SLC4A4: variants seen among roughly 807,000 people sequenced by gnomAD.
SLC4A4 encodes solute carrier family 4 member 4, also known as electrogenic sodium bicarbonate cotransporter 1.
In SLC4A4, 27 loss-of-function variants were observed where a neutral mutation model predicts 111.5. The ratio of observed to expected loss-of-function variants is 0.24; its 90% CI spans 0.18 to 0.33. The LOEUF (loss-of-function observed/expected upper bound fraction) is 0.33. SLC4A4 is among the 10% of genes least tolerant of loss of function. SLC4A4 has a pLI of 1.00. For missense variants in SLC4A4, 909 were observed against 1,315.5 expected (o/e 0.69, Z 4.78); for synonymous variants, 443 against 463.4 (o/e 0.96, Z 0.57).
chr4:71,434,283 C>T (rs1723908724), intron 7 of SLC4A4: 1 of 152,076 alleles, frequency 6.6e-6, no homozygotes. Flanking sequence ...TTTACAGCTA[C>T]TTTTGAAATT....
intron 12 of SLC4A4, among the ~76,000 whole-genome samples, chr4:71,462,655 C>T (rs1012240444): frequency 6.6e-6 from 1 of 152,010 alleles, no homozygotes; most frequent in Non-Finnish European, 1.5e-5. Context: ...GTGATCTGTC[C>T]ACCTGAGCCT....
intron 2 of SLC4A4, among the ~76,000 whole-genome samples, chr4:71,097,314 T>C (rs1336516827): frequency 6.6e-6 from 1 of 152,190 alleles, no homozygotes; most frequent in Non-Finnish European, 1.5e-5. Flanking sequence ...CCAATGATAA[T>C]GGCCTCCAGA....
chr4:71,541,099 T>C (rs1735012570), intron 18 of SLC4A4, among the ~76,000 whole-genome samples: 1 of 152,116 alleles, frequency 6.6e-6, no homozygotes, highest in Non-Finnish European at 1.5e-5. Flanking sequence ...CAAAAATGTC[T>C]TCAGGCATTG....
At chr4:71,288,729 G>A (rs567467260) in intron 3 of SLC4A4, among the ~76,000 whole-genome samples, 1 of 151,954 alleles carries the variant, frequency 6.6e-6, no homozygotes, top group Non-Finnish European at 1.5e-5. Context: ...GGCTTTGAAG[G>A]GTGTTGTGAG....
intron 12 of SLC4A4, among the ~76,000 whole-genome samples, chr4:71,458,836 A>G (rs532479387): frequency 5.3e-5 from 8 of 152,092 alleles, no homozygotes; most frequent in Non-Finnish European, 1.2e-4. Context: ...CAAGAATTTC[A>G]ATTTAGCTGA....
At chr4:71,493,831 A>T (rs997411010) in intron 15 of SLC4A4, among the ~76,000 whole-genome samples, 1 of 151,944 alleles carries the variant, frequency 6.6e-6, no homozygotes, top group African/African-American at 2.4e-5. Context: ...TAACCTTGCA[A>T]TTTGCATATT....
At chr4:71,153,287 G>T (rs1238234213) in intron 2 of SLC4A4, among the ~76,000 whole-genome samples, 1 of 151,948 alleles carries the variant, frequency 6.6e-6, no homozygotes, top group African/African-American at 2.4e-5. Context: ...CCCACGTTAA[G>T]GGTGGGTCTG....
At chr4:71,447,535 G>T (rs1239923813) in intron 8 of SLC4A4, 111 bp from the exon 9 acceptor site, 10 of 739,048 alleles carry the variant, frequency 1.4e-5, no homozygotes, top group Non-Finnish European at 2.5e-5. Context: ...TTTTAAAGGT[G>T]AATTCTAGAC....
intron 2 of SLC4A4, among the ~76,000 whole-genome samples, chr4:71,236,867 A>T (rs927585020): frequency 8.5e-5 from 13 of 152,294 alleles, no homozygotes; most frequent in African/African-American, 2.4e-4. Context: ...TGCCTGGTTT[A>T]AAAAAAGTCT....
chr4:71,399,819 CATTGAG>C (rs1361140749), intron 7 of SLC4A4, among the ~76,000 whole-genome samples: 2 of 152,050 alleles, frequency 1.3e-5, no homozygotes, highest in Non-Finnish European at 2.9e-5. Flanking sequence ...TCCCACTTTA[CATTGAG>C]ATAAATTCTT....
At chr4:71,123,145 G>T (rs137957438) in intron 2 of SLC4A4, among the ~76,000 whole-genome samples, 2 of 152,122 alleles carry the variant, frequency 1.3e-5, no homozygotes, top group African/African-American at 4.8e-5. Flanking sequence ...GAGAAGATAC[G>T]AGACTTAAAG....
At chr4:71,125,359 G>A (rs1298561179) in intron 2 of SLC4A4, among the ~76,000 whole-genome samples, 1 of 152,190 alleles carries the variant, frequency 6.6e-6, no homozygotes, top group Admixed American at 6.5e-5. Flanking sequence ...AGTCACTTGA[G>A]GCCAGGACTT....
At chr4:71,304,504 A>G (rs1725532114) in intron 3 of SLC4A4, among the ~76,000 whole-genome samples, 1 of 152,082 alleles carries the variant, frequency 6.6e-6, no homozygotes, top group African/African-American at 2.4e-5. Flanking sequence ...TGGTTGGGCA[A>G]CCTTCTTTAC....
At chr4:71,307,881 A>C (rs1725818299) in intron 3 of SLC4A4, among the ~76,000 whole-genome samples, 1 of 152,154 alleles carries the variant, frequency 6.6e-6, no homozygotes, top group African/African-American at 2.4e-5. Context: ...CACAACTACT[A>C]ATCATAACTT....
chr4:71,491,262 A>G (rs1399407764), intron 15 of SLC4A4, among the ~76,000 whole-genome samples: 1 of 151,896 alleles, frequency 6.6e-6, no homozygotes, highest in Non-Finnish European at 1.5e-5. Context: ...GTACATCAAC[A>G]ACTTAACCTT....
chr4:71,156,588 G>GCGTGCACA (rs376043069), intron 2 of SLC4A4, among the ~76,000 whole-genome samples: 1 of 138,512 alleles, frequency 7.2e-6, no homozygotes, highest in Non-Finnish European at 1.5e-5. Context: ...GCGCGCGCGC[G>GCGTGCACA]CACACACACA....
chr4:71,311,922 A>AGAGAGAGAGAGAGAGAGAGAGAGAGG (rs1726220193), intron 3 of SLC4A4, among the ~76,000 whole-genome samples: 1 of 150,932 alleles, frequency 6.6e-6, no homozygotes, highest in Non-Finnish European at 1.5e-5. Flanking sequence ...AGAGAGAGAG[A>AGAGAGAGAGAGAGAGAGAGAGAGAGG]GAGAGAGAGA....
upstream of SLC4A4, among the ~76,000 whole-genome samples, chr4:71,182,887 A>G (rs1241032882): frequency 6.6e-6 from 1 of 152,088 alleles, no homozygotes; most frequent in East Asian, 1.9e-4. Context: ...AGCTCATTTT[A>G]AGTTTTCCTT....
chr4:71,450,476 C>A lies in SLC4A4; in HGVS notation c.1141C>A (p.Pro381Thr). 6.2e-7 allele frequency: 1 copy of A among 1,613,702 alleles called. No individual in the cohort carries two copies. The highest frequency in any genetic ancestry group is 2.2e-5 in the East Asian group (1 of 44,822). The change falls in exon 10 of 26, where the codon CCA becomes ACA. Residue 381 changes from proline (P) to threonine (T), a missense_variant. By Grantham distance (38) the Pro-to-Thr change is conservative. Coordinates refer to ENST00000264485, the MANE Select transcript of SLC4A4 (RefSeq NM_001098484.3). ...DEFLDEVIVL[P>T]PGEWDPAIRI... ...GTTCCTAGATGAAGTCATCGTCCTT[C>A]CACCTGGGGAATGGGATCCAGCAAT...
Sources: gnomAD v4.1 joint callset for allele counts (sites outside exome capture counted in the v4.1 genomes callset) on GRCh38, gnomAD v4.1.1 for gene constraint, MANE v1.5 for transcripts, NCBI Gene and HGNC (gene_info 2026-07-23, HGNC 2026-07-21) for gene names.